The following ALMS1 variants were observed in gnomAD, a reference collection of about 807,000 sequenced individuals.
ALMS1 encodes ALMS1 centrosome and basal body associated protein.
Under a neutral mutation model 352.2 loss-of-function variants are expected in ALMS1, and 271 were observed. The ratio of observed to expected loss-of-function variants is 0.77; its 90% CI spans 0.70 to 0.85. The LOEUF (loss-of-function observed/expected upper bound fraction) is 0.85. Ranked by LOEUF, ALMS1 falls within the 40% of genes least tolerant of loss-of-function variation. The pLI is 0.00. For missense variants in ALMS1, 5,445 were observed against 4,870.7 expected (o/e 1.12, Z -3.51); for synonymous variants, 1,865 against 1,761.2 (o/e 1.06, Z -1.48).
At chr2:73,568,919 G>A (rs1405502527) in intron 15 of ALMS1, among the ~76,000 whole-genome samples, 1 of 147,230 alleles carries the variant, frequency 6.8e-6, no homozygotes, top group Non-Finnish European at 1.5e-5. Context: ...TGAGATGATG[G>A]TGATTATCAA....
chr2:73,424,735 C>T lies in ALMS1; in HGVS notation c.1070C>T (p.Pro357Leu), dbSNP rs1338632405. The T allele has an allele frequency of 6.2e-7, 1 of 1,614,046 alleles. No individual in the cohort carries two copies. Among genetic ancestry groups the T allele is most frequent in the African/African-American group, 1.3e-5 (1 of 75,022 alleles). ...SWKTRKDTQWPENNLADKDQV... is the reference protein window; with the variant it reads ...SWKTRKDTQWLENNLADKDQV... ...AAGACACGAAAAGATACACAGTGGCCTGAAAACAATTTAGCTGATAAAGAT... is the reference window on the plus strand; with the variant it reads ...AAGACACGAAAAGATACACAGTGGCTTGAAAACAATTTAGCTGATAAAGAT... Residue 357 changes from proline to leucine, a missense_variant, in exon 5 of 23, where the codon CCT becomes CTT. Pro to Leu is a moderately conservative substitution (Grantham distance 98). Coordinates refer to ENST00000613296, the MANE Select transcript of ALMS1 (RefSeq NM_001378454.1).
intron 1 of ALMS1, among the ~76,000 whole-genome samples, chr2:73,399,279 T>C (rs1191742115): frequency 6.6e-6 from 1 of 152,190 alleles, no homozygotes; most frequent in Non-Finnish European, 1.5e-5. Context: ...AATACACTGT[T>C]GGACAGTGGT....
rs941254064 is a variant in ALMS1, at chr2:73,543,277, A to G, written c.9908-6990A>G. The stretch of plus-strand genomic sequence containing the variant: ...ACAAGCAATGGGGAAAGGATTCCCT[A>G]TTTAATAAATGGTGCTGGGAAAGCT... On this transcript the variant is annotated intron_variant, in intron 12 of 22. Coordinates refer to ENST00000613296, the MANE Select transcript of ALMS1 (RefSeq NM_001378454.1). Among the ~76,000 whole-genome samples, 13 of 152,298 alleles carry G rather than the reference A, an allele frequency of 8.5e-5. No individual in the cohort carries two copies. In the East Asian group the frequency reaches 1.7e-3, roughly 20 times the overall value.
At chr2:73,517,959 A>G (rs1673595137) in intron 10 of ALMS1, among the ~76,000 whole-genome samples, 1 of 151,938 alleles carries the variant, frequency 6.6e-6, no homozygotes, top group South Asian at 2.1e-4. Flanking sequence ...CGCCTGACCT[A>G]TTTTTTATTT....
Position 73,448,208 on chromosome 2 carries a change from G to T in ALMS1, c.1681G>T (p.Ala561Ser). Residue 561 changes from alanine to serine, a missense_variant, in exon 8 of 23, where the codon GCT becomes TCT. Transcript: ENST00000613296. ...TLKVTAIPEP[A>S]DQKTATPTVL... ...GAAAGTCACAGCTATTCCTGAACCA[G>T]CTGACCAGAAGACTGCAACACCAAC... The T allele has an allele frequency of 6.2e-7, 1 of 1,614,038 alleles. No individual in the cohort carries two copies. The highest frequency in any genetic ancestry group is 8.5e-7 in the Non-Finnish European group (1 of 1,179,942).
intron 16 of ALMS1, among the ~76,000 whole-genome samples, chr2:73,588,859 A>G (rs920276043): frequency 6.6e-6 from 1 of 152,208 alleles, no homozygotes; most frequent in African/African-American, 2.4e-5. Flanking sequence ...TGGAGTTCAT[A>G]TCAGACTTTA....
In ALMS1 at chr2:73,519,843, A is replaced by G. The variant is rs1261509569; in HGVS notation, c.9608A>G (p.Gln3203Arg). Reference sequence around the variant, plus strand: ...AAATTGTCATCTGATGCAGTCACTCAGATAACAACAGAAAGTCCAGAAAAG... The same window carrying G: ...AAATTGTCATCTGATGCAGTCACTCGGATAACAACAGAAAGTCCAGAAAAG... ...SEKLSSDAVT[Q>R]ITTESPEKTL... The change falls in exon 11 of 23, where the codon CAG becomes CGG. Residue 3203 changes from glutamine (Q) to arginine (R), a missense_variant. Physicochemically the swap from Gln to Arg is conservative, Grantham distance 43. Transcript: ENST00000613296. 4 of 1,613,942 alleles carry G rather than the reference A, an allele frequency of 2.5e-6. No individual in the cohort carries two copies. Among genetic ancestry groups the G allele is most frequent in the Non-Finnish European group, 3.4e-6 (4 of 1,179,938 alleles).
chr2:73,449,520 T>C lies in ALMS1; in HGVS notation c.2993T>C (p.Val998Ala). The change falls in exon 8 of 23, where the codon GTA (valine) becomes GCA (alanine). Residue 998 changes from valine to alanine, a missense_variant. Physicochemically the swap from Val to Ala is moderately conservative, Grantham distance 64. Coordinates refer to ENST00000613296, the MANE Select transcript of ALMS1 (RefSeq NM_001378454.1). Reference protein sequence around the residue: ...TDQKTVPTPTVPSGSFSHREK... With the variant: ...TDQKTVPTPTAPSGSFSHREK... ...CAGAAGACTGTCCCAACACCAACAG[T>C]ACCTTCAGGTTCCTTCTCACATAGA... 1 of 1,613,912 alleles carries C rather than the reference T, an allele frequency of 6.2e-7. No individual in the cohort carries two copies. The highest frequency in any genetic ancestry group is 1.3e-5 in the African/African-American group (1 of 74,992).
At chr2:73,428,305 T>C (rs1009904029) in intron 6 of ALMS1, among the ~76,000 whole-genome samples, 6 of 152,170 alleles carry the variant, frequency 3.9e-5, no homozygotes, top group South Asian at 2.1e-4. Flanking sequence ...TATTCAGCAA[T>C]TGGGGGAACC....
intron 16 of ALMS1, among the ~76,000 whole-genome samples, chr2:73,578,813 AG>A (rs1457196972): frequency 6.6e-6 from 1 of 152,158 alleles, no homozygotes; most frequent in East Asian, 1.9e-4. Context: ...ATAAGGGAAA[AG>A]GGAAGAGTTA....
intron 9 of ALMS1, among the ~76,000 whole-genome samples, chr2:73,459,672 T>C (rs1572942760): frequency 2.0e-5 from 3 of 152,314 alleles, no homozygotes; most frequent in Admixed American, 2.0e-4. Context: ...CATTTTAAGC[T>C]GGTTCCTGTG....
At position 73,536,489 on chromosome 2, in the gene ALMS1, T is replaced by C. The variant is rs759546135; in HGVS notation, c.9907+1540T>C. ...TGCCATACACACTTGAGATTGTTTT[T>C]TCATGTTTTCATCTATTCTGAGAGT... is the stretch of plus-strand genomic sequence containing the variant. On this transcript the variant is annotated intron_variant, in intron 12 of 22. Coordinates refer to ENST00000613296, the MANE Select transcript of ALMS1 (RefSeq NM_001378454.1). 5.9e-5 allele frequency among the ~76,000 whole-genome samples: 9 copies of C among 152,118 alleles called. 1 individual carries two copies. The South Asian group carries it at 1.9e-3, about 32-fold the overall frequency.
intron 9 of ALMS1, among the ~76,000 whole-genome samples, chr2:73,466,566 C>G (rs1672350905): frequency 6.6e-6 from 1 of 151,800 alleles, no homozygotes; most frequent in African/African-American, 2.4e-5. Flanking sequence ...GGGTGCAGCA[C>G]ACCAACATGG....
intron 9 of ALMS1, chr2:73,458,062 A>G: frequency 7.5e-6 from 1 of 133,682 alleles, no homozygotes; most frequent in African/African-American, 2.8e-5. Flanking sequence ...AAGGTCTAAA[A>G]CTTTTGAATA....
At chr2:73,577,573 T>A (rs1675080133) in intron 16 of ALMS1, among the ~76,000 whole-genome samples, 1 of 152,158 alleles carries the variant, frequency 6.6e-6, no homozygotes, top group African/African-American at 2.4e-5. Flanking sequence ...TAAGCCTTGC[T>A]TTTGTAGATA....
At chr2:73,554,171 T>G (rs1362135724) in intron 13 of ALMS1, among the ~76,000 whole-genome samples, 1 of 151,724 alleles carries the variant, frequency 6.6e-6, no homozygotes, top group Non-Finnish European at 1.5e-5. Flanking sequence ...AAAAAATACA[T>G]TTGGCAAATA....
intron 5 of ALMS1, among the ~76,000 whole-genome samples, chr2:73,425,773 A>G (rs763570084): frequency 1.3e-5 from 2 of 152,196 alleles, no homozygotes; most frequent in Middle Eastern, 3.4e-3. Context: ...CTATCAGTCT[A>G]CTCCTGGGGT....
At chr2:73,549,645 A>G (rs1244569786) in intron 12 of ALMS1, among the ~76,000 whole-genome samples, 1 of 152,164 alleles carries the variant, frequency 6.6e-6, no homozygotes, top group Non-Finnish European at 1.5e-5. Context: ...TTTCCAAGAT[A>G]CAATCCATTT....
chr2:73,487,306 C>T (rs557319735), intron 9 of ALMS1, among the ~76,000 whole-genome samples: 1 of 152,302 alleles, frequency 6.6e-6, no homozygotes, highest in South Asian at 2.1e-4. Flanking sequence ...CCACTGTACA[C>T]AGCCAGGCAT....
Sources: gnomAD v4.1 joint callset for allele counts (sites outside exome capture counted in the v4.1 genomes callset) on GRCh38, gnomAD v4.1.1 for gene constraint, MANE v1.5 for transcripts, NCBI Gene and HGNC (gene_info 2026-07-23, HGNC 2026-07-21) for gene names.